The following RBMS1 variants were observed in gnomAD, a reference collection of about 807,000 sequenced individuals.
The protein encoded by RBMS1 is RNA binding motif single stranded interacting protein 1, also known as RNA-binding motif, single-stranded-interacting protein 1.
In RBMS1, 17 loss-of-function variants were observed where a neutral mutation model predicts 62.3. The ratio of observed to expected loss-of-function variants is 0.27; its 90% CI spans 0.19 to 0.41. The LOEUF is 0.41. RBMS1 is among the 10% of genes least tolerant of loss of function. RBMS1 has a pLI of 1.00. For synonymous variants in RBMS1, 172 were observed against 170.0 expected, an observed-to-expected ratio of 1.01 and a Z score of -0.09; for missense variants, 334 against 504.5, an observed-to-expected ratio of 0.66 and a Z score of 3.24.
At chr2:160,277,171 C>T in intron 12 of RBMS1, 132 bp downstream of exon 12, 1 of 779,650 alleles carries the variant, frequency 1.3e-6, no homozygotes, top group Non-Finnish European at 2.1e-6. Flanking sequence ...CAGGCATGAC[C>T]CACCACATCT....
At chr2:160,343,883 T>A (rs1692030017) in intron 2 of RBMS1, among the ~76,000 whole-genome samples, 1 of 152,180 alleles carries the variant, frequency 6.6e-6, no homozygotes, top group East Asian at 1.9e-4. Context: ...TACAAGAAAC[T>A]GAATTTACTG....
At chr2:160,407,641 C>T in intron 1 of RBMS1, 2 of 982,112 alleles carry the variant, frequency 2.0e-6, no homozygotes, top group Non-Finnish European at 1.2e-6. Context: ...GCCGCGGCAG[C>T]TCTGGGAACT....
rs6757606 is a variant in RBMS1 at position 160,314,393 on chromosome 2, A to C, written c.311-1146T>G. On this transcript the variant is annotated intron_variant, in intron 3 of 13. Transcript: ENST00000348849. ...GAATACTTTGCAAAAGAAAAGCATC[A>C]TTGGAAGGTTGTTTAGAAGAGGAGC... is the stretch of plus-strand genomic sequence containing the variant. Among the ~76,000 whole-genome samples the C allele has an allele frequency of 6.2e-3, 944 of 152,284 alleles. 17 individuals carry two copies. Among genetic ancestry groups the C allele is most frequent in the African/African-American group, 0.02 (820 of 41,554 alleles).
chr2:160,463,092 GA>G (rs11372291), intron 1 of RBMS1, among the ~76,000 whole-genome samples: 27 of 149,274 alleles, frequency 1.8e-4, no homozygotes, highest in African/African-American at 4.7e-4. Flanking sequence ...AGAGAAGAAA[GA>G]AAAAAAAAAT....
intron 1 of RBMS1, among the ~76,000 whole-genome samples, chr2:160,481,310 T>C (rs1685360702): frequency 6.6e-6 from 1 of 150,524 alleles, no homozygotes; most frequent in Non-Finnish European, 1.5e-5. Context: ...TGGAAATTGA[T>C]TGCAGGCCTA....
At chr2:160,353,953 G>A (rs1175656796) in intron 2 of RBMS1, among the ~76,000 whole-genome samples, 1 of 152,054 alleles carries the variant, frequency 6.6e-6, no homozygotes, top group Non-Finnish European at 1.5e-5. Flanking sequence ...CGACTTTATA[G>A]GTAAGGAAAC....
At chr2:160,372,684 A>G (rs1693789426) in intron 1 of RBMS1, among the ~76,000 whole-genome samples, 1 of 152,180 alleles carries the variant, frequency 6.6e-6, no homozygotes, top group Non-Finnish European at 1.5e-5. Flanking sequence ...CAGTCAGAAC[A>G]TTTTCTTTGT....
intron 6 of RBMS1, among the ~76,000 whole-genome samples, chr2:160,288,796 T>C (rs1688537134): frequency 6.6e-6 from 1 of 152,230 alleles, no homozygotes; most frequent in African/African-American, 2.4e-5. Flanking sequence ...AGAGGGTTTA[T>C]GAAAACTAGG....
At chr2:160,425,018 A>G (rs1682491268) in intron 1 of RBMS1, among the ~76,000 whole-genome samples, 1 of 152,188 alleles carries the variant, frequency 6.6e-6, no homozygotes, top group Non-Finnish European at 1.5e-5. Context: ...GATCCCTATT[A>G]GACCTTAATT....
At chr2:160,474,886 C>T (rs562191554) in intron 1 of RBMS1, among the ~76,000 whole-genome samples, 7 of 152,264 alleles carry the variant, frequency 4.6e-5, no homozygotes, top group African/African-American at 1.2e-4. Context: ...TTTTCAGTTG[C>T]GTCGCAAGTA....
At chr2:160,314,714 G>A (rs900646684) in intron 3 of RBMS1, among the ~76,000 whole-genome samples, 1 of 152,174 alleles carries the variant, frequency 6.6e-6, no homozygotes, top group Non-Finnish European at 1.5e-5. Context: ...GAATTGGGCT[G>A]AAATAAGGCT....
chr2:160,379,412 T>C (rs1273810073), intron 1 of RBMS1, among the ~76,000 whole-genome samples: 1 of 152,206 alleles, frequency 6.6e-6, no homozygotes, highest in Non-Finnish European at 1.5e-5. Context: ...GCCCTGAGAC[T>C]TTCCTCTGTT....
intron 6 of RBMS1, among the ~76,000 whole-genome samples, chr2:160,290,563 C>G (rs1442581529): frequency 1.3e-5 from 2 of 152,102 alleles, no homozygotes; most frequent in Non-Finnish European, 2.9e-5. Flanking sequence ...GCAGAGCATT[C>G]TAGGTTAAAT....
At chr2:160,279,485 A>T (rs1261321502) in intron 10 of RBMS1, 1 of 152,146 alleles carries the variant, frequency 6.6e-6, no homozygotes, top group African/African-American at 2.4e-5. Context: ...GCACATCAAC[A>T]ACTTCATATC....
chr2:160,387,682 G>A (rs74590939), intron 1 of RBMS1, among the ~76,000 whole-genome samples: 2,304 of 152,054 alleles, frequency 0.015, 23 homozygotes, highest in Non-Finnish European at 0.025. Context: ...ACAGTATTTG[G>A]GCTCAATATA....
At chr2:160,410,978 G>A (rs770875792) in intron 1 of RBMS1, among the ~76,000 whole-genome samples, 3 of 152,128 alleles carry the variant, frequency 2.0e-5, no homozygotes, top group South Asian at 2.1e-4. Flanking sequence ...TCTTGACCTC[G>A]TGATCCGCCC....
chr2:160,484,937 T>C (rs574414826), intron 1 of RBMS1, among the ~76,000 whole-genome samples: 156 of 152,096 alleles, frequency 1.0e-3, no homozygotes, highest in Non-Finnish European at 1.5e-3. Flanking sequence ...TTGGAAGAGA[T>C]AGACAGAATT....
At chr2:160,407,638 C>A (rs1695822215) in intron 1 of RBMS1, 2 of 981,994 alleles carry the variant, frequency 2.0e-6, no homozygotes, top group Non-Finnish European at 2.4e-6. Flanking sequence ...GGGGCCGCGG[C>A]AGCTCTGGGA....
chr2:160,460,502 T>C (rs1684413180), intron 1 of RBMS1, among the ~76,000 whole-genome samples: 1 of 152,246 alleles, frequency 6.6e-6, no homozygotes, highest in African/African-American at 2.4e-5. Context: ...AACTGTGATA[T>C]GACCACAGGT....
Sources: allele counts gnomAD v4.1 joint callset (sites outside exome capture counted in the v4.1 genomes callset), GRCh38; gene constraint gnomAD v4.1.1; transcripts MANE v1.5; gene names NCBI Gene and HGNC (gene_info 2026-07-23, HGNC 2026-07-21).